AQP9: variants seen among roughly 807,000 people sequenced by gnomAD.
AQP9 encodes aquaporin 9, also known as aquaporin-9.
In AQP9, 19 loss-of-function variants were observed where a neutral mutation model predicts 23.8. The ratio of observed to expected loss-of-function variants is 0.80; its 90% CI spans 0.56 to 1.17. The LOEUF (loss-of-function observed/expected upper bound fraction) is 1.17, where lower values mean the gene tolerates loss of function less well. AQP9 is among the 50% of genes most tolerant of loss of function. The probability of loss-of-function intolerance (pLI) is 0.00; values close to 1 mark genes in which losing one functional copy is unlikely to be tolerated. For missense variants in AQP9, 413 were observed against 362.0 expected, an observed-to-expected ratio of 1.14 and a Z score of -1.14; for synonymous variants, 153 against 131.5, an observed-to-expected ratio of 1.16 and a Z score of -1.12.
chr15:58,145,227 G>A (rs188983427), intron 1 of AQP9, among the ~76,000 whole-genome samples: 56 of 151,842 alleles, frequency 3.7e-4, no homozygotes, highest in African/African-American at 1.3e-3. Context: ...CTTAGGCTGG[G>A]CACAATGGCT....
chr15:58,138,717 C>CCTCCCTAGCTGCCAGG, intron 1 of AQP9, 41 bp downstream of exon 1: 1 of 1,545,028 alleles, frequency 6.5e-7, no homozygotes, highest in Non-Finnish European at 8.9e-7. Flanking sequence ...CCCAATAATG[C>CCTCCCTAGCTGCCAGG]CTCCCTAGCT....
In AQP9 at chr15:58,138,589, G is replaced by C. The variant is rs1246475046; in HGVS notation, c.24G>C (p.Lys8Asn). The change falls in exon 1 of 6, where the codon AAG becomes AAC. Residue 8 changes from lysine to asparagine, a missense_variant. Coordinates refer to ENST00000219919, the MANE Select transcript of AQP9 (RefSeq NM_020980.5). ...AGATGCAGCCTGAGGGAGCAGAAAA[G>C]GGAAAAAGCTTCAAGCAGAGACTGG... is the stretch of plus-strand genomic sequence containing the variant. MQPEGAEKGKSFKQRLVL... is the reference protein window; with the variant it reads MQPEGAENGKSFKQRLVL... The C allele has an allele frequency of 6.2e-7, 1 of 1,613,716 alleles. No individual in the cohort carries two copies. The highest frequency in any genetic ancestry group is 2.2e-5 in the East Asian group (1 of 44,870).
intron 1 of AQP9, 54 bp downstream of exon 1, chr15:58,138,730 C>A: frequency 6.7e-7 from 1 of 1,484,752 alleles, no homozygotes; most frequent in African/African-American, 1.4e-5. Context: ...CCCTAGCTGC[C>A]AGGCTGGTAG....
intron 1 of AQP9, among the ~76,000 whole-genome samples, chr15:58,142,394 G>A (rs1472505109): frequency 2.6e-5 from 4 of 152,182 alleles, no homozygotes; most frequent in Non-Finnish European, 5.9e-5. Context: ...AAGCCCAAGC[G>A]AACTTGACAA....
At chr15:58,156,866 G>T (rs1898273276) in intron 1 of AQP9, among the ~76,000 whole-genome samples, 1 of 152,126 alleles carries the variant, frequency 6.6e-6, no homozygotes, top group South Asian at 2.1e-4. Context: ...CTAAGGGTAG[G>T]CTTAAGTTAT....
In AQP9 at chr15:58,184,315, A is replaced by G; in HGVS notation, c.*180A>G. The G allele has an allele frequency of 1.6e-6, 1 of 608,468 alleles. No homozygotes were observed. 37.7% of individuals were successfully genotyped at this position (608,468 alleles called of 1,614,324 possible). On this transcript the variant is annotated 3_prime_UTR_variant, in exon 6 of 6. Transcript: ENST00000219919. Reference sequence around the variant, plus strand: ...GTTTGGAAACAATGACCACTTCTCTACCATTGTCCCCCACCCCCACCCCCC... The same window carrying G: ...GTTTGGAAACAATGACCACTTCTCTGCCATTGTCCCCCACCCCCACCCCCC...
intron 1 of AQP9, among the ~76,000 whole-genome samples, chr15:58,165,263 A>G (rs925461071): frequency 6.6e-5 from 10 of 152,176 alleles, no homozygotes; most frequent in African/African-American, 2.2e-4. Context: ...CTTGTATGAA[A>G]TTGTTCTGTC....
chr15:58,173,351 C>A, intron 3 of AQP9, 146 bp downstream of exon 3: 1 of 1,176,472 alleles, frequency 8.5e-7, no homozygotes, highest in Non-Finnish European at 1.2e-6. Flanking sequence ...AAAATGAGGC[C>A]ATATTACCAT....
intron 2 of AQP9, among the ~76,000 whole-genome samples, chr15:58,172,760 T>C (rs1303410954): frequency 1.3e-5 from 2 of 152,196 alleles, no homozygotes; most frequent in Non-Finnish European, 2.9e-5. Flanking sequence ...GCTTTATAGA[T>C]AGAGGGATTC....
At chr15:58,143,342 A>AGG (rs1395985332) in intron 1 of AQP9, among the ~76,000 whole-genome samples, 6 of 152,172 alleles carry the variant, frequency 3.9e-5, no homozygotes, top group African/African-American at 1.4e-4. Flanking sequence ...AGGACAAGAG[A>AGG]GGGCAAAGGA....
intron 1 of AQP9, chr15:58,152,405 G>C (rs1238099057): frequency 1.3e-5 from 2 of 152,084 alleles, no homozygotes. Context: ...TACATTAACA[G>C]TATTAAATGC....
chr15:58,150,662 G>C (rs79973169), intron 1 of AQP9: 1 of 152,286 alleles, frequency 6.6e-6, no homozygotes, highest in South Asian at 2.1e-4. Flanking sequence ...CCTAGTGACC[G>C]ACACCTTACT....
intron 1 of AQP9, among the ~76,000 whole-genome samples, chr15:58,162,925 C>A (rs964015764): frequency 5.3e-5 from 8 of 152,192 alleles, no homozygotes; most frequent in Non-Finnish European, 1.2e-4. Flanking sequence ...TAAATGCTAT[C>A]ATTTAAAGCC....
intron 1 of AQP9, among the ~76,000 whole-genome samples, chr15:58,141,797 A>G (rs1466158371): frequency 6.6e-6 from 1 of 152,196 alleles, no homozygotes; most frequent in Non-Finnish European, 1.5e-5. Flanking sequence ...GGGCTTTAAA[A>G]TTATTATTAC....
intron 2 of AQP9, among the ~76,000 whole-genome samples, chr15:58,170,337 CA>C: frequency 6.6e-6 from 1 of 152,142 alleles, no homozygotes; most frequent in African/African-American, 2.4e-5. Flanking sequence ...CTCTAACCCC[CA>C]AACAACTATT....
intron 1 of AQP9, among the ~76,000 whole-genome samples, chr15:58,149,435 A>T (rs1404183442): frequency 1.3e-5 from 2 of 152,144 alleles, no homozygotes; most frequent in Non-Finnish European, 2.9e-5. Flanking sequence ...AGCACGTACC[A>T]CTTATGGGAA....
intron 4 of AQP9, among the ~76,000 whole-genome samples, chr15:58,177,232 TAATC>T (rs1898778506): frequency 6.6e-6 from 1 of 152,342 alleles, no homozygotes; most frequent in African/African-American, 2.4e-5. Flanking sequence ...GTTTAGTTAA[TAATC>T]AATCATTTAT....
intron 5 of AQP9, 35 bp downstream of exon 5, chr15:58,179,380 T>A: frequency 6.4e-7 from 1 of 1,569,876 alleles, no homozygotes; most frequent in South Asian, 1.1e-5. Context: ...AGAGACAGAG[T>A]CATGCTGCGC....
chr15:58,169,165 C>T (rs1898569802), intron 2 of AQP9, among the ~76,000 whole-genome samples: 1 of 152,100 alleles, frequency 6.6e-6, no homozygotes, highest in African/African-American at 2.4e-5. Context: ...CCTATAGTTA[C>T]AAGAGTAAGG....
Sources: allele counts gnomAD v4.1 joint callset (sites outside exome capture counted in the v4.1 genomes callset), GRCh38; gene constraint gnomAD v4.1.1; transcripts MANE v1.5; gene names NCBI Gene and HGNC (gene_info 2026-07-23, HGNC 2026-07-21).